Variants in PICALM observed in about 807,000 individuals in gnomAD.
PICALM encodes the protein phosphatidylinositol binding clathrin assembly protein, also known as phosphatidylinositol-binding clathrin assembly protein.
Under a neutral mutation model 80.5 loss-of-function variants are expected in PICALM, and 40 were observed. The observed-to-expected ratio is 0.50, with a 90% confidence interval of 0.39 to 0.65. The LOEUF is 0.65. Ranked by LOEUF, PICALM falls within the 30% of genes least tolerant of loss-of-function variation. The probability of loss-of-function intolerance (pLI) is 0.00; values close to 1 mark genes in which losing one functional copy is unlikely to be tolerated. For synonymous variants in PICALM, 288 were observed against 260.3 expected (o/e 1.11, Z -1.02); for missense variants, 676 against 778.9 (o/e 0.87, Z 1.57).
In PICALM at chr11:85,963,299, A is replaced by T. The variant is rs189369986; in HGVS notation, c.1945-4239T>A. On this transcript the variant is annotated intron_variant, in intron 19 of 19. Transcript: ENST00000393346. The stretch of plus-strand genomic sequence containing the variant: ...TTTGTTGTTCTGGACACCAAGACAA[A>T]TCATAATTGATCTTTCCAGTCAAGC... 3.9e-3 allele frequency among the ~76,000 whole-genome samples: 589 copies of T among 152,332 alleles called. 15 individuals carry two copies. Among genetic ancestry groups the T allele is most frequent in the Non-Finnish European group, 9.0e-4 (61 of 68,024 alleles).
chr11:86,045,889 C>G (rs772162625), intron 1 of PICALM, among the ~76,000 whole-genome samples: 1 of 152,124 alleles, frequency 6.6e-6, no homozygotes. Flanking sequence ...TGATGCCAAA[C>G]GATCTTCAAA....
rs959397148 is a variant in PICALM, at chr11:85,967,877, C to T, written c.1944+6831G>A. ...TTAGAAGGATAAAAAGCACTCACAA[C>T]AAGCCATCATTTCCTTTCAGACACT... is the stretch of plus-strand genomic sequence containing the variant. On this transcript the variant is annotated intron_variant, in intron 19 of 19. Coordinates refer to ENST00000393346, the MANE Select transcript of PICALM (RefSeq NM_007166.4). 3.9e-5 allele frequency among the ~76,000 whole-genome samples: 6 copies of T among 152,344 alleles called. No homozygotes were observed. The East Asian group carries it at 9.6e-4, about 24-fold the overall frequency.
intron 1 of PICALM, among the ~76,000 whole-genome samples, chr11:86,051,882 T>C (rs764272653): frequency 2.7e-4 from 41 of 152,246 alleles, no homozygotes; most frequent in Non-Finnish European, 4.7e-4. Context: ...TTCTTACTAA[T>C]AGTGTTTTGG....
intron 19 of PICALM, among the ~76,000 whole-genome samples, chr11:85,959,327 G>A (rs1198375634): frequency 1.0e-5 from 1 of 96,394 alleles, no homozygotes; most frequent in Non-Finnish European, 2.1e-5. Flanking sequence ...GGATTGCAGT[G>A]GCATGATCAA....
At chr11:85,976,784 G>C in intron 17 of PICALM, 102 bp from the exon 18 acceptor site, 1 of 700,940 alleles carries the variant, frequency 1.4e-6, no homozygotes, top group East Asian at 2.6e-5. Flanking sequence ...GAATTGCTAA[G>C]ACAGCTGTGA....
intron 19 of PICALM, among the ~76,000 whole-genome samples, chr11:85,964,495 G>A (rs1203983108): frequency 4.6e-5 from 7 of 152,114 alleles, no homozygotes; most frequent in South Asian, 4.1e-4. Flanking sequence ...CTGTACTGCC[G>A]CTTATGGCTG....
intron 12 of PICALM, among the ~76,000 whole-genome samples, chr11:85,996,368 G>A (rs957722674): frequency 2.0e-5 from 3 of 151,946 alleles, no homozygotes; most frequent in Non-Finnish European, 2.9e-5. Context: ...AAAGCTGGTC[G>A]AGACAATTAT....
intron 1 of PICALM, among the ~76,000 whole-genome samples, chr11:86,067,789 G>A (rs917531398): frequency 6.6e-6 from 1 of 152,040 alleles, no homozygotes; most frequent in Admixed American, 6.6e-5. Context: ...AAGAGTATCA[G>A]CAAAATGCCT....
chr11:85,960,529 G>T, intron 19 of PICALM: 1 of 355,058 alleles, frequency 2.8e-6, no homozygotes, highest in Non-Finnish European at 5.3e-6. Context: ...TTTTCATTCT[G>T]CACCTAAAGA....
At position 85,981,795 on chromosome 11, in the gene PICALM, A is replaced by G; in HGVS notation, c.1649-20T>C. On this transcript the variant is annotated intron_variant, in intron 15 of 19. Coordinates refer to ENST00000393346, the MANE Select transcript of PICALM (RefSeq NM_007166.4). Reference sequence around the variant, plus strand: ...CAAGATCTAGGAAAGGAGAAAAACAAAAAAGCATTTTATAACACGAGACGC... The same window carrying G: ...CAAGATCTAGGAAAGGAGAAAAACAGAAAAGCATTTTATAACACGAGACGC... 1 of 1,613,268 alleles carries G rather than the reference A, an allele frequency of 6.2e-7. No individual in the cohort carries two copies. The highest frequency in any genetic ancestry group is 8.5e-7 in the Non-Finnish European group (1 of 1,179,236).
At chr11:85,998,848 G>C (rs1344710000) in intron 11 of PICALM, among the ~76,000 whole-genome samples, 1 of 152,074 alleles carries the variant, frequency 6.6e-6, no homozygotes, top group Non-Finnish European at 1.5e-5. Flanking sequence ...TAGCTTGTAC[G>C]GCTGGGCTCA....
intron 4 of PICALM, among the ~76,000 whole-genome samples, chr11:86,018,084 C>T (rs779882826): frequency 1.7e-4 from 26 of 152,150 alleles, no homozygotes; most frequent in Non-Finnish European, 3.1e-4. Flanking sequence ...AAGTATCTCA[C>T]TGAAGTCTCT....
chr11:86,010,957 G>C, intron 7 of PICALM, 73 bp downstream of exon 7: 1 of 696,962 alleles, frequency 1.4e-6, no homozygotes, highest in Non-Finnish European at 2.6e-6. Flanking sequence ...TTTGGATAGT[G>C]AGTGATGACT....
chr11:86,051,028 G>GA (rs2096177617), intron 1 of PICALM, among the ~76,000 whole-genome samples: 1 of 152,038 alleles, frequency 6.6e-6, no homozygotes, highest in Admixed American at 6.5e-5. Flanking sequence ...CCTAAAACAA[G>GA]AATCACATAA....
intron 14 of PICALM, among the ~76,000 whole-genome samples, chr11:85,982,967 G>A (rs533965137): frequency 3.3e-4 from 50 of 152,246 alleles, no homozygotes; most frequent in Middle Eastern, 3.4e-3. Context: ...AGTCACCAAA[G>A]ATGATAGTTC....
chr11:86,051,020 TAAAAC>T (rs2096177498), intron 1 of PICALM, among the ~76,000 whole-genome samples: 1 of 152,166 alleles, frequency 6.6e-6, no homozygotes, highest in South Asian at 2.1e-4. Context: ...CATTTCCTCC[TAAAAC>T]AAGAATCACA....
chr11:86,029,422 A>G lies in PICALM; in HGVS notation c.273+2047T>C, dbSNP rs556582177. 3.9e-5 allele frequency among the ~76,000 whole-genome samples: 6 copies of G among 152,348 alleles called. No homozygotes were observed. The East Asian group carries it at 1.2e-3, about 29-fold the overall frequency. ...CCTGAAGGTTGTACAAACCAGCATAAAAAATGAACAGAGCATGGAATTTGC... is the reference window on the plus strand; with the variant it reads ...CCTGAAGGTTGTACAAACCAGCATAGAAAATGAACAGAGCATGGAATTTGC... On this transcript the variant is annotated intron_variant, in intron 2 of 19. Coordinates refer to ENST00000393346, the MANE Select transcript of PICALM (RefSeq NM_007166.4).
chr11:86,047,474 TA>T (rs1401917709), intron 1 of PICALM, among the ~76,000 whole-genome samples: 1 of 152,228 alleles, frequency 6.6e-6, no homozygotes, highest in Non-Finnish European at 1.5e-5. Flanking sequence ...CCTTAATTTA[TA>T]AGCAAGTTTA....
chr11:86,055,097 G>A (rs1010900500), intron 1 of PICALM, among the ~76,000 whole-genome samples: 1 of 152,048 alleles, frequency 6.6e-6, no homozygotes, highest in Non-Finnish European at 1.5e-5. Context: ...GTGGGAGGCT[G>A]AGATGGGTGG....
Sources: gnomAD v4.1 joint callset for allele counts (sites outside exome capture counted in the v4.1 genomes callset) on GRCh38, gnomAD v4.1.1 for gene constraint, MANE v1.5 for transcripts, NCBI Gene and HGNC (gene_info 2026-07-23, HGNC 2026-07-21) for gene names.